The following CHCHD6 variants were observed in gnomAD, a reference collection of about 807,000 sequenced individuals.
CHCHD6 encodes the protein MICOS complex subunit MIC25.
Under a neutral mutation model 32.3 loss-of-function variants are expected in CHCHD6, and 28 were observed. That is an observed-to-expected ratio of 0.87 (90% CI 0.64 to 1.19). The LOEUF is 1.19. CHCHD6 is among the 50% of genes most tolerant of loss of function. CHCHD6 has a pLI of 0.00. For synonymous variants in CHCHD6, 122 were observed against 117.5 expected (o/e 1.04, Z -0.25); for missense variants, 333 against 307.0 (o/e 1.08, Z -0.63).
At chr3:126,741,049 G>C (rs1936268317) in intron 4 of CHCHD6, among the ~76,000 whole-genome samples, 1 of 152,170 alleles carries the variant, frequency 6.6e-6, no homozygotes, top group Non-Finnish European at 1.5e-5. Flanking sequence ...CCGGGTTGTG[G>C]TGAGGACCAA....
At chr3:126,731,047 G>A (rs1935775537) in intron 3 of CHCHD6, among the ~76,000 whole-genome samples, 1 of 146,300 alleles carries the variant, frequency 6.8e-6, no homozygotes. Flanking sequence ...AGCTGAGGCT[G>A]CAGGGAGCTG....
intron 4 of CHCHD6, among the ~76,000 whole-genome samples, chr3:126,818,100 TCA>T (rs1360539440): frequency 6.6e-6 from 1 of 152,154 alleles, no homozygotes; most frequent in Non-Finnish European, 1.5e-5. Flanking sequence ...AGGGGAAGTG[TCA>T]CAGTGTTTTC....
chr3:126,828,743 A>G (rs1940513736), intron 4 of CHCHD6, among the ~76,000 whole-genome samples: 1 of 152,196 alleles, frequency 6.6e-6, no homozygotes, highest in African/African-American at 2.4e-5. Context: ...TCCAGGGTCT[A>G]CCTGCCTTTC....
intron 4 of CHCHD6, 64 bp downstream of exon 4, chr3:126,733,286 G>T: frequency 6.6e-7 from 1 of 1,505,054 alleles, no homozygotes; most frequent in South Asian, 1.2e-5. Context: ...AATAGGGGGC[G>T]GGCCCTGGCA....
chr3:126,750,476 A>G (rs1936681023), intron 4 of CHCHD6, among the ~76,000 whole-genome samples: 1 of 152,276 alleles, frequency 6.6e-6, no homozygotes, highest in Non-Finnish European at 1.5e-5. Flanking sequence ...CAGATCAGAC[A>G]GAATCGGAGA....
intron 6 of CHCHD6, among the ~76,000 whole-genome samples, chr3:126,934,649 C>T (rs932786720): frequency 8.0e-5 from 12 of 150,142 alleles, no homozygotes; most frequent in Non-Finnish European, 1.2e-4. Flanking sequence ...CCCGGGTTCA[C>T]GCCATTCTCC....
chr3:126,795,389 C>T (rs185829432), intron 4 of CHCHD6, among the ~76,000 whole-genome samples: 1 of 152,316 alleles, frequency 6.6e-6, no homozygotes, highest in Admixed American at 6.5e-5. Flanking sequence ...AATTGGCATT[C>T]AGTGAATTTT....
intron 5 of CHCHD6, among the ~76,000 whole-genome samples, chr3:126,911,009 C>T (rs1231140794): frequency 6.6e-6 from 1 of 152,158 alleles, no homozygotes; most frequent in African/African-American, 2.4e-5. Flanking sequence ...CCATGCTTTC[C>T]ATTTTTGTTT....
chr3:126,893,074 T>G (rs2077788054), intron 5 of CHCHD6, among the ~76,000 whole-genome samples: 2 of 152,220 alleles, frequency 1.3e-5, no homozygotes, highest in South Asian at 2.1e-4. Flanking sequence ...GTTCAAGTGA[T>G]TCTCCTGCCT....
chr3:126,839,272 A>G (rs1477355661), intron 4 of CHCHD6, among the ~76,000 whole-genome samples: 1 of 152,204 alleles, frequency 6.6e-6, no homozygotes, highest in Admixed American at 6.5e-5. Flanking sequence ...TCCAGCCTCC[A>G]GGAATTTATG....
intron 5 of CHCHD6, among the ~76,000 whole-genome samples, chr3:126,894,072 T>A (rs1012320265): frequency 2.0e-5 from 3 of 152,260 alleles, no homozygotes; most frequent in African/African-American, 7.2e-5. Context: ...TGTGTTTTCC[T>A]CACCTTTGTG....
rs528965842 is a variant in CHCHD6, at chr3:126,733,262, G to A, written c.411+40G>A. The A allele has an allele frequency of 3.3e-4, 524 of 1,588,326 alleles. 9 individuals are homozygous for A. The South Asian group carries it at 5.6e-3, about 17-fold the overall frequency. On this transcript the variant is annotated intron_variant, in intron 4 of 7. Transcript: ENST00000290913. ...TCCCTGATCTGGCCTTCTGAGCTGG[G>A]CAGCACCCTGGGAAATAGGGGGCGG...
At chr3:126,863,945 T>C (rs1335551155) in intron 5 of CHCHD6, among the ~76,000 whole-genome samples, 11 of 77,090 alleles carry the variant, frequency 1.4e-4, no homozygotes, top group African/African-American at 2.7e-4. Flanking sequence ...TTCTCCACCA[T>C]CACCACCTCC....
At chr3:126,871,270 C>T (rs2077466345) in intron 5 of CHCHD6, among the ~76,000 whole-genome samples, 1 of 152,144 alleles carries the variant, frequency 6.6e-6, no homozygotes, top group South Asian at 2.1e-4. Context: ...TTTTAAAAGC[C>T]CTTTCTTGGT....
At chr3:126,942,041 A>C (rs1167604538) in intron 6 of CHCHD6, among the ~76,000 whole-genome samples, 1 of 152,218 alleles carries the variant, frequency 6.6e-6, no homozygotes, top group African/African-American at 2.4e-5. Flanking sequence ...AGACTTGAAG[A>C]AAGTGCAGGG....
chr3:126,910,133 T>C (rs1031850726), intron 5 of CHCHD6, among the ~76,000 whole-genome samples: 1 of 151,936 alleles, frequency 6.6e-6, no homozygotes, highest in African/African-American at 2.4e-5. Context: ...AAAAATTAGC[T>C]GGGCAGGATG....
intron 6 of CHCHD6, among the ~76,000 whole-genome samples, chr3:126,934,618 G>A (rs983015554): frequency 7.4e-6 from 1 of 135,694 alleles, no homozygotes; most frequent in Admixed American, 8.4e-5. Flanking sequence ...GCACAATCTC[G>A]GCTCACTGCA....
intron 4 of CHCHD6, among the ~76,000 whole-genome samples, chr3:126,735,471 C>T (rs1035024464): frequency 3.3e-5 from 5 of 152,334 alleles, no homozygotes; most frequent in South Asian, 2.1e-4. Flanking sequence ...GACTGCTCAG[C>T]GTTCATTTCT....
At chr3:126,917,956 C>G (rs1455236041) in intron 6 of CHCHD6, among the ~76,000 whole-genome samples, 2 of 152,108 alleles carry the variant, frequency 1.3e-5, no homozygotes, top group African/African-American at 4.8e-5. Context: ...TATAAGCTGC[C>G]CAGTCTCTAT....
Sources: gnomAD v4.1 joint callset for allele counts (sites outside exome capture counted in the v4.1 genomes callset) on GRCh38, gnomAD v4.1.1 for gene constraint, MANE v1.5 for transcripts, NCBI Gene and HGNC (gene_info 2026-07-23, HGNC 2026-07-21) for gene names.